Variants in ABI1 observed in about 807,000 individuals in gnomAD.
The protein encoded by ABI1 is Abelson interactor 1.
ABI1 carries 14 observed loss-of-function variants against 54.6 expected under a neutral mutation model. That is an observed-to-expected ratio of 0.26 (90% CI 0.17 to 0.40). ABI1 has a LOEUF of 0.40. Among genes scored for constraint, ABI1 ranks in the 10% least tolerant of loss-of-function variants. The pLI, the probability that ABI1 is intolerant of heterozygous loss-of-function variation, is 1.00. For synonymous variants in ABI1, 194 were observed against 209.3 expected (o/e 0.93, Z 0.63); for missense variants, 443 against 598.3 (o/e 0.74, Z 2.71).
At chr10:26,825,956 T>C (rs2048281992) in intron 1 of ABI1, among the ~76,000 whole-genome samples, 1 of 152,206 alleles carries the variant, frequency 6.6e-6, no homozygotes, top group Non-Finnish European at 1.5e-5. Flanking sequence ...CTTCCTCCAC[T>C]GAAGTCTTGA....
At chr10:26,816,585 A>C (rs756166663) in intron 2 of ABI1, among the ~76,000 whole-genome samples, 1 of 152,254 alleles carries the variant, frequency 6.6e-6, no homozygotes, top group African/African-American at 2.4e-5. Flanking sequence ...CTTCATAACA[A>C]CTTACACAGT....
chr10:26,760,264 T>C (rs1030082664), intron 7 of ABI1, among the ~76,000 whole-genome samples: 15 of 152,140 alleles, frequency 9.9e-5, no homozygotes, highest in African/African-American at 1.4e-4. Context: ...AAAGTTAACT[T>C]TGGGATTATT....
At chr10:26,760,655 C>T (rs1012286066) in intron 7 of ABI1, among the ~76,000 whole-genome samples, 3 of 152,066 alleles carry the variant, frequency 2.0e-5, no homozygotes, top group Admixed American at 1.3e-4. Context: ...TTTGGGAGGC[C>T]GAGGCAGGCG....
chr10:26,772,373 C>T (rs1245868838), intron 3 of ABI1, among the ~76,000 whole-genome samples: 1 of 151,900 alleles, frequency 6.6e-6, no homozygotes, highest in Non-Finnish European at 1.5e-5. Context: ...AATGTATATA[C>T]ATAATACTAA....
intron 2 of ABI1, among the ~76,000 whole-genome samples, chr10:26,799,730 A>G (rs1373465586): frequency 1.3e-5 from 2 of 152,210 alleles, no homozygotes; most frequent in Non-Finnish European, 2.9e-5. Flanking sequence ...AAGTTCAAGT[A>G]CCATTTGCAA....
chr10:26,796,811 A>G (rs1266740073), intron 2 of ABI1, among the ~76,000 whole-genome samples: 7 of 152,124 alleles, frequency 4.6e-5, no homozygotes, highest in Non-Finnish European at 8.8e-5. Context: ...TTTTCCACGC[A>G]CTGGGGAGAC....
rs539199703 is a variant in ABI1, at chr10:26,851,288, T to C, written c.117+9459A>G. 2.0e-5 allele frequency among the ~76,000 whole-genome samples: 3 copies of C among 150,044 alleles called. No homozygotes were observed. The South Asian group carries it at 6.4e-4, about 32-fold the overall frequency. On this transcript the variant is annotated intron_variant, in intron 1 of 10. Coordinates refer to ENST00000376140, the MANE Select transcript of ABI1 (RefSeq NM_001012750.3). ...ATAGCTCACTGCAGCCTCAAACTCC[T>C]GGGCTCAAGTGATCCTCCCACCTCA...
At chr10:26,751,554 A>G (rs757445491) in intron 10 of ABI1, 44 bp downstream of exon 10, 7 of 1,570,212 alleles carry the variant, frequency 4.5e-6, no homozygotes, top group Non-Finnish European at 5.2e-6. Flanking sequence ...AATTTCTACA[A>G]TTAGGTTATT....
At position 26,747,257 on chromosome 10, in the gene ABI1, G is replaced by A. The variant is rs955359971; in HGVS notation, c.*1313C>T. ...CTACTTTAATATCCTAAGCAATAGAGAATTATACACAAGACAAGAAGAGAA... is the reference window on the plus strand; with the variant it reads ...CTACTTTAATATCCTAAGCAATAGAAAATTATACACAAGACAAGAAGAGAA... On this transcript the variant is annotated 3_prime_UTR_variant, in exon 11 of 11. Transcript: ENST00000376140. 8.9e-6 allele frequency: 2 copies of A among 224,976 alleles called. No individual in the cohort carries two copies. The highest frequency in any genetic ancestry group is 1.3e-4 in the East Asian group (2 of 15,536). 13.9% of individuals were successfully genotyped at this position (224,976 alleles called of 1,614,324 possible). A position where few individuals can be genotyped will look rare whatever the true frequency, so the allele number is the denominator to read the frequency against.
chr10:26,821,243 TAAAAA>T (rs34139312), intron 2 of ABI1, among the ~76,000 whole-genome samples: 1 of 114,928 alleles, frequency 8.7e-6, no homozygotes, highest in African/African-American at 3.5e-5. Flanking sequence ...AGACTCCATC[TAAAAA>T]AAAAAAAAAA....
chr10:26,768,899 A>C lies in ABI1; in HGVS notation c.672T>G (p.His224Gln). The C allele has an allele frequency of 6.2e-7, 1 of 1,613,806 alleles. No individual in the cohort carries two copies. Reference protein sequence around the residue: ...MTSPARLGSQHSPGRTASLNQ... With the variant: ...MTSPARLGSQQSPGRTASLNQ... Reference sequence around the variant, plus strand: ...TTAAAGATGCTGTCCTGCCTGGACTATGCTGACTTCCAAGCCTAGCAGGAC... The same window carrying C: ...TTAAAGATGCTGTCCTGCCTGGACTCTGCTGACTTCCAAGCCTAGCAGGAC... Residue 224 changes from histidine to glutamine, a missense_variant, in exon 6 of 11, where the codon CAT becomes CAG. Physicochemically the swap from His to Gln is conservative, Grantham distance 24. Around this residue, in one of 2 missense-constraint regions of ABI1, gnomAD observed 394 missense variants for 484.8 expected, o/e 0.81. Transcript: ENST00000376140.
intron 1 of ABI1, among the ~76,000 whole-genome samples, chr10:26,843,475 AAAAAAAAAAAATAT>A (rs1259557093): frequency 1.3e-4 from 8 of 59,706 alleles, no homozygotes; most frequent in African/African-American, 4.3e-4. Flanking sequence ...AAAAAAAAAA[AAAAAAAAAAAATAT>A]ATATATATAT....
intron 1 of ABI1, among the ~76,000 whole-genome samples, chr10:26,844,712 T>C (rs114799739): frequency 0.015 from 2,221 of 152,324 alleles, 55 homozygotes; most frequent in African/African-American, 0.051. Context: ...TGACTGCAAA[T>C]TACCTTCTGT....
intron 2 of ABI1, among the ~76,000 whole-genome samples, chr10:26,798,779 G>A (rs568559501): frequency 6.6e-6 from 1 of 151,816 alleles, no homozygotes; most frequent in African/African-American, 2.4e-5. Flanking sequence ...AGAACACTTA[G>A]CAGAACAGGG....
chr10:26,750,047 T>G (rs901444930), intron 10 of ABI1, among the ~76,000 whole-genome samples: 1 of 152,204 alleles, frequency 6.6e-6, no homozygotes, highest in Non-Finnish European at 1.5e-5. Flanking sequence ...TCACAGTTAA[T>G]TGGCTTCACC....
chr10:26,824,189 G>C (rs1394846114), intron 1 of ABI1, among the ~76,000 whole-genome samples: 1 of 152,048 alleles, frequency 6.6e-6, no homozygotes, highest in East Asian at 1.9e-4. Context: ...CTCATTATAG[G>C]AAAGAAATGC....
At chr10:26,771,131 A>G (rs771712272) in intron 3 of ABI1, 42 bp from the exon 4 acceptor site, 1 of 1,608,902 alleles carries the variant, frequency 6.2e-7, no homozygotes, top group Non-Finnish European at 8.5e-7. Flanking sequence ...GTAGACATTA[A>G]TGCTAGGTAA....
At chr10:26,797,933 T>C (rs1274347655) in intron 2 of ABI1, among the ~76,000 whole-genome samples, 1 of 152,300 alleles carries the variant, frequency 6.6e-6, no homozygotes, top group Non-Finnish European at 1.5e-5. Flanking sequence ...ATATAAGCAA[T>C]GCCAACTAGA....
intron 1 of ABI1, among the ~76,000 whole-genome samples, chr10:26,832,594 A>T (rs1007023828): frequency 6.6e-6 from 1 of 152,218 alleles, no homozygotes; most frequent in Middle Eastern, 3.4e-3. Flanking sequence ...AAAAAATAAA[A>T]TAAAATAAAA....
Sources: gnomAD v4.1 joint callset for allele counts (sites outside exome capture counted in the v4.1 genomes callset) on GRCh38, gnomAD v4.1.1 for gene constraint, gnomAD v4.1.1 regional missense constraint, MANE v1.5 for transcripts, NCBI Gene and HGNC (gene_info 2026-07-23, HGNC 2026-07-21) for gene names.